ATP9A: variants seen among roughly 807,000 people sequenced by gnomAD.
The protein encoded by ATP9A is ATPase phospholipid transporting 9A.
A neutral mutation model predicts 144.1 loss-of-function variants in ATP9A; 52 were observed. The observed-to-expected ratio is 0.36, with a 90% CI of 0.29 to 0.45. ATP9A has a LOEUF of 0.45. ATP9A is among the 20% of genes least tolerant of loss of function. ATP9A has a pLI of 1.00. For synonymous variants in ATP9A, 582 were observed against 557.4 expected, an observed-to-expected ratio of 1.04 and a Z score of -0.62; for missense variants, 947 against 1,392.7, an observed-to-expected ratio of 0.68 and a Z score of 5.09.
At chr20:51,761,346 G>A (rs879863733) in intron 1 of ATP9A, among the ~76,000 whole-genome samples, 4 of 152,218 alleles carry the variant, frequency 2.6e-5, no homozygotes, top group Non-Finnish European at 5.9e-5. Flanking sequence ...CACCCAGGTG[G>A]CGGGCTTCCT....
chr20:51,742,639 C>G (rs1396555623), intron 1 of ATP9A, among the ~76,000 whole-genome samples: 1 of 152,124 alleles, frequency 6.6e-6, no homozygotes, highest in Non-Finnish European at 1.5e-5. Flanking sequence ...CTCAGCCACC[C>G]AAGCAGCTGG....
intron 15 of ATP9A, among the ~76,000 whole-genome samples, chr20:51,635,842 G>GA (rs2077289664): frequency 8.1e-5 from 1 of 12,298 alleles, no homozygotes; most frequent in Non-Finnish European, 2.7e-4. Context: ...GGGAGGGAGG[G>GA]AAAAAGGAAG....
At chr20:51,647,716 C>T (rs1347736621) in intron 14 of ATP9A, among the ~76,000 whole-genome samples, 8 of 151,622 alleles carry the variant, frequency 5.3e-5, no homozygotes, top group Non-Finnish European at 1.2e-4. Context: ...GGTAGCAGAG[C>T]GAGACTCTGT....
chr20:51,602,983 G>T (rs532397823), intron 27 of ATP9A, among the ~76,000 whole-genome samples: 74 of 152,260 alleles, frequency 4.9e-4, no homozygotes, highest in African/African-American at 1.7e-3. Flanking sequence ...CACTGAGAAG[G>T]CCTGAGGTAA....
At chr20:51,768,270 A>G in intron 1 of ATP9A, 32 bp downstream of exon 1, 3 of 1,238,246 alleles carry the variant, frequency 2.4e-6, no homozygotes, top group Non-Finnish European at 1.0e-6. Context: ...GGAGGCGCGG[A>G]CAAAGGAAAA....
intron 14 of ATP9A, among the ~76,000 whole-genome samples, chr20:51,654,249 G>A (rs1271377218): frequency 6.6e-6 from 1 of 152,150 alleles, no homozygotes; most frequent in East Asian, 1.9e-4. Flanking sequence ...CCTGCAGGCT[G>A]GAAGGAGGAG....
At chr20:51,603,379 A>C (rs1052266036) in intron 27 of ATP9A, among the ~76,000 whole-genome samples, 4 of 152,226 alleles carry the variant, frequency 2.6e-5, no homozygotes, top group African/African-American at 9.6e-5. Flanking sequence ...ATTAGAGTTC[A>C]GAATCTATCC....
intron 18 of ATP9A, among the ~76,000 whole-genome samples, chr20:51,624,551 G>A (rs1396786984): frequency 6.6e-6 from 1 of 152,096 alleles, no homozygotes; most frequent in East Asian, 1.9e-4. Flanking sequence ...TCACTCACTT[G>A]GCCACACGGC....
At chr20:51,742,516 C>CT (rs375939884) in intron 1 of ATP9A, among the ~76,000 whole-genome samples, 23 of 149,306 alleles carry the variant, frequency 1.5e-4, no homozygotes, top group South Asian at 2.1e-4. Context: ...TCCTCCTTTA[C>CT]TTTTTTTTTT....
intron 4 of ATP9A, among the ~76,000 whole-genome samples, chr20:51,704,384 G>GC (rs796610998): frequency 6.7e-6 from 1 of 148,244 alleles, no homozygotes; most frequent in African/African-American, 2.5e-5. Flanking sequence ...GTGTTTTGTT[G>GC]TTTTTTTTTT....
intron 11 of ATP9A, among the ~76,000 whole-genome samples, chr20:51,673,199 C>G (rs184710347): frequency 1.9e-4 from 29 of 152,086 alleles, no homozygotes; most frequent in Middle Eastern, 3.4e-3. Flanking sequence ...CATGGTGAAA[C>G]CCCAACTCTA....
At chr20:51,726,026 T>A in intron 2 of ATP9A, 94 bp from the exon 3 acceptor site, 1 of 799,062 alleles carries the variant, frequency 1.3e-6, no homozygotes, top group Non-Finnish European at 2.1e-6. Context: ...CTAAAAACAT[T>A]CCTGCAGCCA....
rs115072067 is a variant in ATP9A at position 51,663,335 on chromosome 20, G to A, written c.1294-6185C>T. On this transcript the variant is annotated intron_variant, in intron 13 of 27. Coordinates refer to ENST00000338821, the MANE Select transcript of ATP9A (RefSeq NM_006045.3). Reference sequence around the variant, plus strand: ...CCAGGTGTTAATACTGGTTACTGCCGAATGATATGAATACAGGTGAATTCA... The same window carrying A: ...CCAGGTGTTAATACTGGTTACTGCCAAATGATATGAATACAGGTGAATTCA... 4.7e-3 allele frequency among the ~76,000 whole-genome samples: 713 copies of A among 152,232 alleles called. 6 individuals carry two copies. The highest frequency in any genetic ancestry group is 0.017 in the African/African-American group (691 of 41,540).
chr20:51,687,370 T>C (rs1185099432), intron 9 of ATP9A, among the ~76,000 whole-genome samples: 1 of 152,210 alleles, frequency 6.6e-6, no homozygotes, highest in Non-Finnish European at 1.5e-5. Flanking sequence ...AAGTAGTGCA[T>C]GTGTGGATGG....
intron 13 of ATP9A, among the ~76,000 whole-genome samples, chr20:51,659,798 C>A (rs1359484020): frequency 6.6e-6 from 1 of 152,162 alleles, no homozygotes; most frequent in African/African-American, 2.4e-5. Context: ...TAGCATTAGA[C>A]TCCTCAGGTA....
chr20:51,738,320 G>A (rs940923692), intron 1 of ATP9A, among the ~76,000 whole-genome samples: 2 of 152,220 alleles, frequency 1.3e-5, no homozygotes, highest in East Asian at 3.9e-4. Context: ...CGCAAGCCAT[G>A]GTGCCTGGCC....
intron 3 of ATP9A, among the ~76,000 whole-genome samples, chr20:51,719,535 C>T (rs2077678947): frequency 6.7e-6 from 1 of 149,382 alleles, no homozygotes; most frequent in Non-Finnish European, 1.5e-5. Flanking sequence ...GAGATCAAGA[C>T]CATCCTGGCC....
At chr20:51,689,036 TA>T (rs1484449021) in intron 9 of ATP9A, 27 bp downstream of exon 9, 1 of 1,609,320 alleles carries the variant, frequency 6.2e-7, no homozygotes, top group African/African-American at 1.3e-5. Context: ...TTCAAATTGC[TA>T]CCACATTCCT....
In ATP9A at chr20:51,601,346, A is replaced by G. The variant is rs745827150; in HGVS notation, c.3009T>C (p.Asp1003=). ...ASLVFLHEFI[D]VYFIATLSFL... ...ATGACAAGGTGGCGATGAAGTACAC[A>G]TCTGCAAGGAAAGGGGAAGACGGCA... Residue 1003 remains aspartate, a splice_region_variant and synonymous_variant, in exon 28 of 28, where the codon GAT becomes GAC. Coordinates refer to ENST00000338821, the MANE Select transcript of ATP9A (RefSeq NM_006045.3). 6.2e-7 allele frequency: 1 copy of G among 1,609,956 alleles called. No individual in the cohort carries two copies. Among genetic ancestry groups the G allele is most frequent in the South Asian group, 1.1e-5 (1 of 90,250 alleles).
Sources: allele counts gnomAD v4.1 joint callset (sites outside exome capture counted in the v4.1 genomes callset), GRCh38; gene constraint gnomAD v4.1.1; transcripts MANE v1.5; gene names NCBI Gene and HGNC (gene_info 2026-07-23, HGNC 2026-07-21).